Variants in SEMA5B observed in about 807,000 individuals in gnomAD.
SEMA5B encodes semaphorin-5B.
Under a neutral mutation model 135.0 loss-of-function variants are expected in SEMA5B, and 66 were observed. The observed-to-expected ratio is 0.49, with a 90% CI of 0.40 to 0.60. The LOEUF (loss-of-function observed/expected upper bound fraction) is 0.60. Among genes scored for constraint, SEMA5B ranks in the 20% least tolerant of loss-of-function variants. The pLI is 0.00. For synonymous variants in SEMA5B, 690 were observed against 639.5 expected (o/e 1.08, Z -1.19); for missense variants, 1,501 against 1,566.3 (o/e 0.96, Z 0.70).
At chr3:123,000,032 A>G (rs1942131449) in intron 1 of SEMA5B, among the ~76,000 whole-genome samples, 1 of 151,998 alleles carries the variant, frequency 6.6e-6, no homozygotes, top group African/African-American at 2.4e-5. Flanking sequence ...ACGTGGTGAA[A>G]CCCCATCTCT....
intron 3 of SEMA5B, among the ~76,000 whole-genome samples, chr3:122,944,066 C>T (rs1262636414): frequency 6.6e-6 from 1 of 152,196 alleles, no homozygotes; most frequent in East Asian, 1.9e-4. Context: ...CAGCCCAGAA[C>T]CCATCCATAG....
At chr3:122,920,322 T>A (rs572671941) in intron 12 of SEMA5B, among the ~76,000 whole-genome samples, 2 of 152,276 alleles carry the variant, frequency 1.3e-5, no homozygotes, top group South Asian at 2.1e-4. Context: ...CTTGGTGCCT[T>A]GGGCTGGGTG....
At chr3:122,916,059 C>A (rs900601337) in intron 12 of SEMA5B, among the ~76,000 whole-genome samples, 169 bp from the exon 13 acceptor site, 1 of 152,194 alleles carries the variant, frequency 6.6e-6, no homozygotes, top group African/African-American at 2.4e-5. Flanking sequence ...TCATTTTAAG[C>A]ACTTTATAAG....
chr3:122,974,185 C>T (rs115021750), intron 1 of SEMA5B, among the ~76,000 whole-genome samples: 3,617 of 152,256 alleles, frequency 0.024, 65 homozygotes, highest in East Asian at 0.1. Context: ...AGAGTGGAGG[C>T]TGGGAGAAAG....
chr3:122,946,967 C>T (rs1294856340), intron 3 of SEMA5B, among the ~76,000 whole-genome samples: 1 of 152,122 alleles, frequency 6.6e-6, no homozygotes, highest in Non-Finnish European at 1.5e-5. Context: ...CTTCCTCCCC[C>T]AACCCAATTT....
intron 1 of SEMA5B, among the ~76,000 whole-genome samples, chr3:123,015,589 A>G (rs1942537869): frequency 6.6e-6 from 1 of 152,202 alleles, no homozygotes; most frequent in South Asian, 2.1e-4. Context: ...TCAACTTCCA[A>G]TGTTTGAAGA....
chr3:122,911,940 C>A lies in SEMA5B; in HGVS notation c.3026G>T (p.Cys1009Phe). ...CAGNSSQSRP[C>F]PYSEIPVILP... ...CCTACCGGGAATCTCGCTGTAGGGG[C>A]AGGGGCGGCTCTGGCTGCTGTTTCC... The change falls in exon 20 of 23, where the codon TGC (cysteine) becomes TTC (phenylalanine). Residue 1009 changes from cysteine to phenylalanine, a missense_variant. Cys to Phe is a radical substitution (Grantham distance 205). Transcript: ENST00000357599. 1.2e-6 allele frequency: 2 copies of A among 1,605,198 alleles called. No homozygotes were observed. The highest frequency in any genetic ancestry group is 1.1e-5 in the South Asian group (1 of 90,488).
chr3:123,020,591 G>C (rs1942653419), intron 1 of SEMA5B, among the ~76,000 whole-genome samples: 1 of 152,226 alleles, frequency 6.6e-6, no homozygotes, highest in Non-Finnish European at 1.5e-5. Flanking sequence ...TGAGGGCTAA[G>C]AGGTTCTGCA....
intron 1 of SEMA5B, among the ~76,000 whole-genome samples, chr3:122,988,894 T>A (rs1941780409): frequency 6.6e-6 from 1 of 152,202 alleles, no homozygotes; most frequent in South Asian, 2.1e-4. Flanking sequence ...AAAAGTTGGA[T>A]AAAGAAATGA....
intron 1 of SEMA5B, among the ~76,000 whole-genome samples, chr3:122,999,187 G>C (rs1942105272): frequency 6.6e-6 from 1 of 152,140 alleles, no homozygotes; most frequent in East Asian, 1.9e-4. Context: ...ATTGAGGCAT[G>C]TCCCCAGCTG....
In SEMA5B at chr3:122,961,310, G is replaced by T. The variant is rs1940569675; in HGVS notation, c.-38-9C>A. ...CCAGCTGGAACCACTCACTGAAGGG[G>T]GAGAATTTTGGGTAAGTCATGGATA... On this transcript the variant is annotated splice_polypyrimidine_tract_variant and intron_variant, in intron 1 of 22. Coordinates refer to ENST00000357599, the MANE Select transcript of SEMA5B (RefSeq NM_001031702.4). 4 of 1,611,934 alleles carry T rather than the reference G, an allele frequency of 2.5e-6. No homozygotes were observed.
Position 122,922,053 on chromosome 3 carries a change from A to T in SEMA5B, c.1550T>A (p.Leu517Gln). The change falls in exon 12 of 23, where the codon CTG becomes CAG. Residue 517 changes from leucine to glutamine, a missense_variant. Physicochemically the swap from Leu to Gln is moderately radical, Grantham distance 113. Coordinates refer to ENST00000357599, the MANE Select transcript of SEMA5B (RefSeq NM_001031702.4). The stretch of plus-strand genomic sequence containing the variant: ...GCGGCGCCCGGGGGGCAGCACGTGC[A>T]GCTCCTCCAGGTAGCAGCCGTGGAG... ...RSLHGCYLEE[L>Q]HVLPPGRREP... 2 of 1,495,958 alleles carry T rather than the reference A, an allele frequency of 1.3e-6. No individual in the cohort carries two copies. Among genetic ancestry groups the T allele is most frequent in the Admixed American group, 2.3e-5 (1 of 42,962 alleles). 92.7% of individuals were successfully genotyped at this position (1,495,958 alleles called of 1,614,324 possible). A position where few individuals can be genotyped will look rare whatever the true frequency, so the allele number is the denominator to read the frequency against.
chr3:122,921,956 C>T lies in SEMA5B; in HGVS notation c.1647G>A (p.Leu549=), dbSNP rs544245828. The T allele has an allele frequency of 1.4e-3, 2,110 of 1,535,994 alleles. 3 individuals carry two copies. The highest frequency in any genetic ancestry group is 1.8e-3 in the Non-Finnish European group (2,037 of 1,145,646). Reference sequence around the variant, plus strand: ...CGGCGCACCTCTCCAGTGGGACCCGCAGGACGCCGTCTCTCAGCCCCACGA... The same window carrying T: ...CGGCGCACCTCTCCAGTGGGACCCGTAGGACGCCGTCTCTCAGCCCCACGA... ...ALFVGLRDGV[L]RVPLERCAAY... is the part of the protein sequence containing the mutation. Residue 549 remains leucine (L), a synonymous_variant, in exon 12 of 23, where the codon CTG becomes CTA. Transcript: ENST00000357599.
At chr3:122,965,021 G>A (rs1489298137) in intron 1 of SEMA5B, among the ~76,000 whole-genome samples, 1 of 152,162 alleles carries the variant, frequency 6.6e-6, no homozygotes, top group East Asian at 1.9e-4. Context: ...GATTCCATGT[G>A]CTGGAGGGAA....
intron 1 of SEMA5B, among the ~76,000 whole-genome samples, chr3:123,022,320 T>G (rs1337782449): frequency 6.6e-6 from 1 of 152,210 alleles, no homozygotes; most frequent in Non-Finnish European, 1.5e-5. Context: ...GGCCAGGACA[T>G]TTCTGGTTCA....
intron 1 of SEMA5B, among the ~76,000 whole-genome samples, chr3:122,998,398 T>C (rs542753876): frequency 3.3e-5 from 5 of 152,300 alleles, no homozygotes; most frequent in South Asian, 2.1e-4. Context: ...CTCCTTGACC[T>C]TGGGCCAGTC....
intron 2 of SEMA5B, among the ~76,000 whole-genome samples, chr3:122,952,910 G>A (rs1940121249): frequency 6.6e-6 from 1 of 152,152 alleles, no homozygotes; most frequent in African/African-American, 2.4e-5. Context: ...CCTCCCTTCA[G>A]AACTAGGGGT....
At chr3:122,958,148 C>G (rs1940416341) in intron 2 of SEMA5B, 1 of 152,352 alleles carries the variant, frequency 6.6e-6, no homozygotes, top group Non-Finnish European at 1.5e-5. Context: ...CTTCCCCCAG[C>G]CCAGGCCTGA....
intron 1 of SEMA5B, among the ~76,000 whole-genome samples, chr3:122,984,944 A>G (rs1228289521): frequency 6.6e-6 from 1 of 152,204 alleles, no homozygotes; most frequent in Non-Finnish European, 1.5e-5. Flanking sequence ...ACGATTTCAA[A>G]TACGTTTCTG....
Sources: gnomAD v4.1 joint callset for allele counts (sites outside exome capture counted in the v4.1 genomes callset) on GRCh38, gnomAD v4.1.1 for gene constraint, MANE v1.5 for transcripts, NCBI Gene and HGNC (gene_info 2026-07-23, HGNC 2026-07-21) for gene names.